The following NDE1 variants were observed in gnomAD, a reference collection of about 807,000 sequenced individuals.
NDE1 encodes the protein nudE neurodevelopment protein 1.
NDE1 carries 28 observed loss-of-function variants against 43.4 expected under a neutral mutation model. The ratio of observed to expected loss-of-function variants is 0.65; its 90% CI spans 0.48 to 0.89. The LOEUF is 0.89. Among genes scored for constraint, NDE1 ranks in the 40% least tolerant of loss-of-function variants. The pLI is 0.00. For missense variants in NDE1, 441 were observed against 434.1 expected, an observed-to-expected ratio of 1.02 and a Z score of -0.14; for synonymous variants, 184 against 172.0, an observed-to-expected ratio of 1.07 and a Z score of -0.55.
intron 8 of NDE1, among the ~76,000 whole-genome samples, chr16:15,716,617 G>T (rs117434909): frequency 1.3e-5 from 2 of 152,152 alleles, no homozygotes; most frequent in African/African-American, 4.8e-5. Context: ...CACGTGTCAC[G>T]TTGGAGTGAT....
Position 15,724,272 on chromosome 16 carries a change from C to G in NDE1, c.*21C>G. 1 of 1,614,188 alleles carries G rather than the reference C, an allele frequency of 6.2e-7. No individual in the cohort carries two copies. The highest frequency in any genetic ancestry group is 8.5e-7 in the Non-Finnish European group (1 of 1,180,034). ...GCTGAAGCCTGTTCTTGGTCTTTTC[C>G]AGTTTATCATAAGCGGCCGCCTTCT... On this transcript the variant is annotated 3_prime_UTR_variant, in exon 9 of 9. Transcript: ENST00000396354.
Position 15,717,256 on chromosome 16 carries a change from C to T in NDE1, c.948-6935C>T, listed in dbSNP as rs2040207319. On this transcript the variant is annotated intron_variant, in intron 8 of 8. Transcript: ENST00000396354. ...CCATCTCGTGGAGCTTGCTCCGGAG[C>T]TCCTTGTTCTGCCGCTCGAGCTGCT... 1.9e-6 allele frequency: 3 copies of T among 1,614,152 alleles called. No homozygotes were observed. Among genetic ancestry groups the T allele is most frequent in the Non-Finnish European group, 2.5e-6 (3 of 1,180,054 alleles).
chr16:15,655,380 A>G (rs976060847), intron 1 of NDE1, among the ~76,000 whole-genome samples: 1 of 152,202 alleles, frequency 6.6e-6, no homozygotes, highest in African/African-American at 2.4e-5. Flanking sequence ...CCTGGGCTCA[A>G]GCAATCTGCC....
rs368170500 is a variant in NDE1, at chr16:15,667,407, A to G, written c.205A>G (p.Asn69Asp). The change falls in exon 3 of 9, where the codon AAC becomes GAC. Residue 69 changes from asparagine (N) to aspartate (D), a missense_variant. Transcript: ENST00000396354. The stretch of plus-strand genomic sequence containing the variant: ...GAACAGAGACCTCCTGTCCGAAAAT[A>G]ACCGCCTTCGCATGGAGCTGGAAAC... ...TRNRDLLSENNRLRMELETIK... is the reference protein window; with the variant it reads ...TRNRDLLSENDRLRMELETIK... The G allele has an allele frequency of 2.6e-5, 42 of 1,613,786 alleles. No homozygotes were observed. The highest frequency in any genetic ancestry group is 3.2e-5 in the Non-Finnish European group (38 of 1,179,888).
chr16:15,654,619 A>AC (rs2036669587), intron 1 of NDE1, among the ~76,000 whole-genome samples: 6 of 142,770 alleles, frequency 4.2e-5, no homozygotes, highest in African/African-American at 1.1e-4. Flanking sequence ...AAAAAAAACA[A>AC]AAAAAAAAAA....
chr16:15,712,009 G>A (rs1192720776), intron 8 of NDE1, among the ~76,000 whole-genome samples: 9 of 151,790 alleles, frequency 5.9e-5, no homozygotes. Context: ...GATTCTTTAG[G>A]GAAAGTTGAC....
At chr16:15,688,343 T>C (rs1169719223) in intron 5 of NDE1, among the ~76,000 whole-genome samples, 1 of 151,996 alleles carries the variant, frequency 6.6e-6, no homozygotes, top group Non-Finnish European at 1.5e-5. Context: ...GAAACTGTAA[T>C]GAGGCATTTG....
chr16:15,677,366 T>A (rs2037936491), intron 3 of NDE1, among the ~76,000 whole-genome samples: 1 of 151,970 alleles, frequency 6.6e-6, no homozygotes, highest in African/African-American at 2.4e-5. Context: ...TGCAGATCAC[T>A]TGAGGTGTCA....
intron 8 of NDE1, chr16:15,711,066 C>T (rs1262766548): frequency 6.6e-6 from 1 of 152,236 alleles, no homozygotes; most frequent in Non-Finnish European, 1.5e-5. Context: ...CTTTGGGAGC[C>T]TAGGCCTGGT....
At chr16:15,701,307 C>CT (rs1649672971) in intron 8 of NDE1, 1 of 151,782 alleles carries the variant, frequency 6.6e-6, no homozygotes, top group Non-Finnish European at 1.5e-5. Flanking sequence ...ATTGAGATTC[C>CT]TAGAGGTGCG....
At chr16:15,684,517 C>G (rs948380543) in intron 4 of NDE1, 1 of 151,246 alleles carries the variant, frequency 6.6e-6, no homozygotes, top group Non-Finnish European at 1.5e-5. Context: ...CATTTGAACC[C>G]CGGAGGCAGA....
chr16:15,689,522 C>T (rs776811235), intron 5 of NDE1, among the ~76,000 whole-genome samples: 1 of 152,100 alleles, frequency 6.6e-6, no homozygotes, highest in South Asian at 2.1e-4. Flanking sequence ...AGACATACCA[C>T]TGAAGTGGGG....
rs1425139218 is a variant in NDE1, at chr16:15,689,956, A to T, written c.524-1188A>T. 8.5e-5 allele frequency among the ~76,000 whole-genome samples: 13 copies of T among 152,088 alleles called. No individual in the cohort carries two copies. In the South Asian group the frequency reaches 1.5e-3, roughly 17 times the overall value. The stretch of plus-strand genomic sequence containing the variant: ...TCCATCTCAAAAAAAAAAAAAAAAA[A>T]AAATTCAGAGAACAATGGTTGAAAA... On this transcript the variant is annotated intron_variant, in intron 5 of 8. Coordinates refer to ENST00000396354, the MANE Select transcript of NDE1 (RefSeq NM_017668.3).
chr16:15,691,457 A>G, intron 6 of NDE1, 134 bp downstream of exon 6: 3 of 1,028,952 alleles, frequency 2.9e-6, no homozygotes, highest in Non-Finnish European at 4.4e-6. Flanking sequence ...TTGAGCAGAG[A>G]GTAGACTGGG....
intron 8 of NDE1, among the ~76,000 whole-genome samples, chr16:15,704,327 T>G (rs1180925653): frequency 6.6e-6 from 1 of 152,176 alleles, no homozygotes; most frequent in Non-Finnish European, 1.5e-5. Flanking sequence ...GCATGAGTGA[T>G]TGAATTTAAT....
At chr16:15,671,979 C>T (rs898218346) in intron 3 of NDE1, among the ~76,000 whole-genome samples, 3 of 151,976 alleles carry the variant, frequency 2.0e-5, no homozygotes, top group African/African-American at 4.8e-5. Flanking sequence ...TGAGCCACTG[C>T]GCCTGGCTGA....
At chr16:15,687,672 C>G (rs568978698) in intron 5 of NDE1, among the ~76,000 whole-genome samples, 161 bp downstream of exon 5, 2 of 152,318 alleles carry the variant, frequency 1.3e-5, no homozygotes, top group South Asian at 4.1e-4. Flanking sequence ...TGGGCAGACT[C>G]TTGCCTTGGG....
At chr16:15,687,617 C>A in intron 5 of NDE1, 106 bp downstream of exon 5, 1 of 1,079,394 alleles carries the variant, frequency 9.3e-7, no homozygotes, top group Non-Finnish European at 1.4e-6. Flanking sequence ...ACCCCACACC[C>A]TGCTCTGCAC....
At chr16:15,665,419 C>G (rs1007255488) in intron 2 of NDE1, among the ~76,000 whole-genome samples, 1 of 152,026 alleles carries the variant, frequency 6.6e-6, no homozygotes, top group East Asian at 1.9e-4. Flanking sequence ...TACTATGCTA[C>G]TTTACATTTT....
Sources: allele counts gnomAD v4.1 joint callset (sites outside exome capture counted in the v4.1 genomes callset), GRCh38; gene constraint gnomAD v4.1.1; transcripts MANE v1.5; gene names NCBI Gene and HGNC (gene_info 2026-07-23, HGNC 2026-07-21).